The following HCRTR1 variants were observed in gnomAD, a reference collection of about 807,000 sequenced individuals.
HCRTR1 encodes the protein orexin/Hypocretin receptor type 1.
In HCRTR1, 28 loss-of-function variants were observed where a neutral mutation model predicts 40.6. The observed-to-expected ratio is 0.69, with a 90% confidence interval of 0.51 to 0.95. The LOEUF (loss-of-function observed/expected upper bound fraction) is 0.95. Among genes scored for constraint, HCRTR1 ranks in the 40% least tolerant of loss-of-function variants. The pLI is 0.00. For synonymous variants in HCRTR1, 209 were observed against 230.0 expected, an observed-to-expected ratio of 0.91 and a Z score of 0.83; for missense variants, 482 against 564.7, an observed-to-expected ratio of 0.85 and a Z score of 1.48.
chr1:31,632,454 T>C (rs1640133602), downstream of HCRTR1: 1 of 1,614,016 alleles, frequency 6.2e-7, no homozygotes, highest in Admixed American at 1.7e-5. Context: ...GAGAAGAGTC[T>C]AGCTCTGTCC....
downstream of HCRTR1, chr1:31,630,861 C>T: frequency 1.3e-6 from 2 of 1,577,326 alleles, no homozygotes; most frequent in Non-Finnish European, 1.7e-6. Context: ...GAGGGGCACA[C>T]AGACCAGACA....
chr1:31,630,969 T>G, downstream of HCRTR1: 3 of 784,554 alleles, frequency 3.8e-6, no homozygotes, highest in Admixed American at 2.1e-5. Flanking sequence ...ACAAAGAGGG[T>G]AGAGAAATCC....
rs986675944 is a variant in HCRTR1, at chr1:31,627,188, T to C, written c.*208T>C. On this transcript the variant is annotated 3_prime_UTR_variant, in exon 9 of 9. Coordinates refer to ENST00000403528, the MANE Select transcript of HCRTR1 (RefSeq NM_001525.3). ...GCTGAAGCAAGTGGAAAGCTCCTTG[T>C]AAACTGTGAAGTGTTGTGGACATGA... 1.2e-5 allele frequency: 18 copies of C among 1,470,884 alleles called. No individual in the cohort carries two copies. Among genetic ancestry groups the C allele is most frequent in the Middle Eastern group, 3.5e-4 (2 of 5,756 alleles). The allele number at this position is 1,470,884 out of a possible 1,614,324, so 91.1% of individuals were successfully genotyped here. A position where few individuals can be genotyped will look rare whatever the true frequency, so the allele number is the denominator to read the frequency against.
downstream of HCRTR1, chr1:31,632,651 A>G (rs541351386): frequency 1.2e-6 from 2 of 1,612,082 alleles, no homozygotes; most frequent in Admixed American, 3.3e-5. Flanking sequence ...GAAGGTGAGG[A>G]GGGAAAGGAG....
rs990545630 is a variant in HCRTR1, at chr1:31,626,550, C to T, written c.1088-240C>T. Among the ~76,000 whole-genome samples, 6 of 152,160 alleles carry T rather than the reference C, an allele frequency of 3.9e-5. No homozygotes were observed. Among genetic ancestry groups the T allele is most frequent in the Non-Finnish European group, 1.5e-5 (1 of 68,028 alleles). ...TTTTGAGTCAGCCTCCGAGCCAGAG[C>T]ACAGTCAAGGAATCAGATGGCAATT... On this transcript the variant is annotated intron_variant, in intron 8 of 8. Transcript: ENST00000403528. The surrounding 1 kb of genome is among the most constrained non-coding windows in gnomAD (Gnocchi z 4.6).
At chr1:31,620,005 G>GGC (rs779107850) in intron 4 of HCRTR1, among the ~76,000 whole-genome samples, 30 of 152,306 alleles carry the variant, frequency 2.0e-4, no homozygotes, top group Admixed American at 5.2e-4. Context: ...CACAGTCAAG[G>GGC]AGAGAGGCAA....
Position 31,621,552 on chromosome 1 carries a change from T to C in HCRTR1, c.698T>C (p.Met233Thr), listed in dbSNP as rs1348655561. 2 of 1,587,770 alleles carry C rather than the reference T, an allele frequency of 1.3e-6. No homozygotes were observed. Among genetic ancestry groups the C allele is most frequent in the East Asian group, 2.3e-5 (1 of 42,810 alleles). Residue 233 changes from methionine to threonine, a missense_variant, in exon 6 of 9, where the codon ATG (methionine) becomes ACG (threonine). By Grantham distance (81) the Met-to-Thr change is moderately conservative (BLOSUM62 -1). Transcript: ENST00000403528. ...CTGGCCCCACTGGGCCTCATGGCCA[T>C]GGCCTATTTCCAGATATTCCGCAAG... ...TYLAPLGLMA[M>T]AYFQIFRKLW...
At position 31,621,022 on chromosome 1, in the gene HCRTR1, C is replaced by T. The variant is rs1306946577; in HGVS notation, c.558C>T (p.Ser186=). ...CCCAGGCTGCAGTCATGGAATGCAG[C>T]AGTGTGCTGCCTGAGCTAGCCAACC... ...MVPQAAVMEC[S]SVLPELANRT... The change falls in exon 5 of 9, where the codon AGC becomes AGT. Residue 186 remains serine (S), a synonymous_variant. Coordinates refer to ENST00000403528, the MANE Select transcript of HCRTR1 (RefSeq NM_001525.3). 12 of 1,613,432 alleles carry T rather than the reference C, an allele frequency of 7.4e-6. No homozygotes were observed. Among genetic ancestry groups the T allele is most frequent in the Non-Finnish European group, 1.0e-5 (12 of 1,180,022 alleles).
In HCRTR1 at chr1:31,619,543, G is replaced by A. The variant is rs201319457; in HGVS notation, c.211G>A (p.Val71Met). ...GCTGCACCCTGCAGTCTGCCTGGCC[G>A]TGTGGCGGAACCACCACATGAGGAC... ...LVGNTLVCLAVWRNHHMRTVT... is the reference protein window; with the variant it reads ...LVGNTLVCLAMWRNHHMRTVT... The change falls in exon 4 of 9, where the codon GTG (valine) becomes ATG (methionine). Residue 71 changes from valine (V) to methionine (M), a missense_variant. Val to Met is a conservative substitution (Grantham distance 21). Coordinates refer to ENST00000403528, the MANE Select transcript of HCRTR1 (RefSeq NM_001525.3). The A allele has an allele frequency of 3.0e-5, 49 of 1,613,934 alleles. No individual in the cohort carries two copies. Among genetic ancestry groups the A allele is most frequent in the Non-Finnish European group, 3.6e-5 (43 of 1,180,000 alleles).
rs200582952 is a variant in HCRTR1, at chr1:31,623,510, G to C, written c.739-13G>C. On this transcript the variant is annotated splice_polypyrimidine_tract_variant and intron_variant, in intron 6 of 8. Transcript: ENST00000403528. Reference sequence around the variant, plus strand: ...CTGTACCCACCACTGCTGTCTCTATGTGTGCTGGACAGATCCCCGGCACCA... The same window carrying C: ...CTGTACCCACCACTGCTGTCTCTATCTGTGCTGGACAGATCCCCGGCACCA... The C allele has an allele frequency of 6.2e-7, 1 of 1,605,526 alleles. No individual in the cohort carries two copies. The highest frequency in any genetic ancestry group is 8.5e-7 in the Non-Finnish European group (1 of 1,175,444).
rs372163785 is a variant in HCRTR1 at position 31,620,851 on chromosome 1, C to T, written c.387C>T (p.Ser129=). 1.7e-5 allele frequency: 27 copies of T among 1,613,472 alleles called. No homozygotes were observed. The highest frequency in any genetic ancestry group is 1.5e-5 in the Non-Finnish European group (18 of 1,179,788). The change falls in exon 5 of 9, where the codon TCC becomes TCT. Residue 129 remains serine (S), a synonymous_variant. Transcript: ENST00000403528. ...GTGTCCCCGTGGGGCAGGCTGTGTC[C>T]GTGTCAGTGGCAGTGCTAACTCTCA... ...CKVIPYLQAV[S]VSVAVLTLSF...
chr1:31,623,875 T>G, intron 7 of HCRTR1, 126 bp downstream of exon 7: 1 of 667,664 alleles, frequency 1.5e-6, no homozygotes, highest in Non-Finnish European at 2.6e-6. Flanking sequence ...GCCATTTCTC[T>G]TCTCTGAGCC....
Position 31,626,645 on chromosome 1 carries a change from G to A in HCRTR1, c.1088-145G>A. On this transcript the variant is annotated intron_variant, in intron 8 of 8. Coordinates refer to ENST00000403528, the MANE Select transcript of HCRTR1 (RefSeq NM_001525.3). The surrounding 1 kb of genome is among the most constrained non-coding windows in gnomAD (Gnocchi z 4.6). ...TCTGGCGGTGCCGAGGTTGCCTCAG[G>A]GCTCTCCCTCCCAGCTCTATCCCTC... The A allele has an allele frequency of 7.5e-7, 1 of 1,334,638 alleles. No individual in the cohort carries two copies. Among genetic ancestry groups the A allele is most frequent in the African/African-American group, 1.5e-5 (1 of 67,804 alleles). 82.7% of individuals were successfully genotyped at this position (1,334,638 alleles called of 1,614,324 possible).
chr1:31,628,295 C>T (rs1452185267), downstream of HCRTR1, among the ~76,000 whole-genome samples: 2 of 152,250 alleles, frequency 1.3e-5, no homozygotes, highest in Non-Finnish European at 2.9e-5. Flanking sequence ...AAGCACCCCG[C>T]TTTACCCAGA....
At chr1:31,619,027 C>T in intron 2 of HCRTR1, 24 bp from the exon 3 acceptor site, 1 of 604,450 alleles carries the variant, frequency 1.7e-6, no homozygotes, top group Non-Finnish European at 2.9e-6. Context: ...TTTTCCCACT[C>T]CCTCCTTTCC....
chr1:31,634,186 A>G (rs1640194857), downstream of HCRTR1, among the ~76,000 whole-genome samples: 1 of 152,180 alleles, frequency 6.6e-6, no homozygotes, highest in Non-Finnish European at 1.5e-5. Flanking sequence ...AAATCCGGGC[A>G]GGTTCTAGCC....
Position 31,626,799 on chromosome 1 carries a change from G to C in HCRTR1, c.1097G>C (p.Arg366Pro), listed in dbSNP as rs202193411. The C allele has an allele frequency of 1.2e-6, 2 of 1,612,788 alleles. No homozygotes were observed. The highest frequency in any genetic ancestry group is 3.3e-5 in the Admixed American group (2 of 59,874). ...TTGTCTCCCAACCAAGGCAAATTCC[G>C]GGAGCAGTTTAAGGCTGCCTTCTCC... ...IIYNFLSGKF[R>P]EQFKAAFSCC... Residue 366 changes from arginine to proline, a missense_variant, in exon 9 of 9, where the codon CGG (arginine) becomes CCG (proline). Coordinates refer to ENST00000403528, the MANE Select transcript of HCRTR1 (RefSeq NM_001525.3). This position sits in a 1 kb window ranked among gnomAD's most constrained non-coding sequence, Gnocchi z 4.6.
chr1:31,627,134 T>G lies in HCRTR1; in HGVS notation c.*154T>G, dbSNP rs2176807. ...TTCCTCTGTCTGAGCTTGTGTCCCCTAAGCAGGGTTGATGTGAGGATTAAG... is the reference window on the plus strand; with the variant it reads ...TTCCTCTGTCTGAGCTTGTGTCCCCGAAGCAGGGTTGATGTGAGGATTAAG... On this transcript the variant is annotated 3_prime_UTR_variant, in exon 9 of 9. Transcript: ENST00000403528. 727,067 of 1,412,664 alleles carry G rather than the reference T, an allele frequency of 0.51. 195,549 individuals carry two copies. Among genetic ancestry groups the G allele is most frequent in the South Asian group, 0.55 (39,253 of 71,142 alleles). The allele number at this position is 1,412,664 out of a possible 1,614,324, so 87.5% of individuals were successfully genotyped here.
At position 31,620,948 on chromosome 1, in the gene HCRTR1, C is replaced by T. The variant is rs201910139; in HGVS notation, c.484C>T (p.Arg162Cys). The T allele has an allele frequency of 4.4e-5, 71 of 1,614,058 alleles. No individual in the cohort carries two copies. The highest frequency in any genetic ancestry group is 3.6e-4 in the East Asian group (16 of 44,890). ...LLFKSTARRA[R>C]GSILGIWAVS... is the part of the protein sequence containing the mutation. ...GTTCAAGAGCACAGCCCGGCGGGCC[C>T]GTGGCTCCATCCTGGGCATCTGGGC... Residue 162 changes from arginine (R) to cysteine (C), a missense_variant, in exon 5 of 9, where the codon CGT becomes TGT. By Grantham distance (180) the Arg-to-Cys change is radical. Coordinates refer to ENST00000403528, the MANE Select transcript of HCRTR1 (RefSeq NM_001525.3).
Sources: allele counts gnomAD v4.1 joint callset (sites outside exome capture counted in the v4.1 genomes callset), GRCh38; gene constraint gnomAD v4.1.1; non-coding constraint Gnocchi (gnomAD v3.1); transcripts MANE v1.5; gene names NCBI Gene and HGNC (gene_info 2026-07-23, HGNC 2026-07-21).